SORCS2: variants seen among roughly 807,000 people sequenced by gnomAD.
SORCS2 encodes the protein sortilin related VPS10 domain containing receptor 2.
A neutral mutation model predicts 141.6 loss-of-function variants in SORCS2; 100 were observed. The observed-to-expected ratio is 0.71, with a 90% confidence interval of 0.60 to 0.83. The LOEUF is 0.83. Among genes scored for constraint, SORCS2 ranks in the 40% least tolerant of loss-of-function variants. The pLI is 0.00. For synonymous variants in SORCS2, 789 were observed against 676.9 expected, an observed-to-expected ratio of 1.17 and a Z score of -2.57; for missense variants, 1,646 against 1,560.2, an observed-to-expected ratio of 1.05 and a Z score of -0.93.
At chr4:7,620,940 A>G (rs1719125285) in intron 3 of SORCS2, among the ~76,000 whole-genome samples, 1 of 152,038 alleles carries the variant, frequency 6.6e-6, no homozygotes, top group Non-Finnish European at 1.5e-5. Flanking sequence ...GTGCCCCCCA[A>G]GTGCCCTTCT....
chr4:7,331,115 TG>T (rs1024569822), intron 1 of SORCS2, among the ~76,000 whole-genome samples: 3 of 144,368 alleles, frequency 2.1e-5, no homozygotes, highest in Non-Finnish European at 4.5e-5. Context: ...GGCGAGAGGC[TG>T]GGGGTGGGGA....
intron 2 of SORCS2, among the ~76,000 whole-genome samples, chr4:7,485,359 C>G (rs544752997): frequency 6.6e-6 from 1 of 152,214 alleles, no homozygotes; most frequent in Non-Finnish European, 1.5e-5. Flanking sequence ...CAGCCAAGGC[C>G]CCGGAGTTGC....
At chr4:7,649,817 G>A (rs954462382) in intron 4 of SORCS2, among the ~76,000 whole-genome samples, 3 of 152,152 alleles carry the variant, frequency 2.0e-5, no homozygotes, top group African/African-American at 7.2e-5. Context: ...CAGCAGTGGT[G>A]GCAGCGGTGT....
At chr4:7,426,913 C>T (rs917582848) in intron 2 of SORCS2, among the ~76,000 whole-genome samples, 8 of 152,278 alleles carry the variant, frequency 5.3e-5, no homozygotes, top group South Asian at 2.1e-4. Context: ...GGCCTGAACC[C>T]GGATAACAGT....
At chr4:7,691,892 C>A (rs1185790025) in intron 11 of SORCS2, among the ~76,000 whole-genome samples, 1 of 152,130 alleles carries the variant, frequency 6.6e-6, no homozygotes, top group Non-Finnish European at 1.5e-5. Context: ...CCCAACATCT[C>A]TCAGTGCACC....
At chr4:7,195,020 G>C (rs1353555732) in intron 1 of SORCS2, among the ~76,000 whole-genome samples, 1 of 152,120 alleles carries the variant, frequency 6.6e-6, no homozygotes, top group Non-Finnish European at 1.5e-5. Flanking sequence ...CTTCCTGGGA[G>C]AGAGTTGAGG....
intron 2 of SORCS2, among the ~76,000 whole-genome samples, chr4:7,519,482 T>G (rs539247442): frequency 1.3e-5 from 2 of 152,352 alleles, no homozygotes; most frequent in East Asian, 3.9e-4. Context: ...TCTCCCTGTC[T>G]GCACGGGAAC....
At chr4:7,615,868 C>T (rs933036149) in intron 3 of SORCS2, among the ~76,000 whole-genome samples, 2 of 152,228 alleles carry the variant, frequency 1.3e-5, no homozygotes, top group Admixed American at 1.3e-4. Context: ...TCTCATAGGG[C>T]TGCCAGCTTA....
chr4:7,673,291 C>T lies in SORCS2; in HGVS notation c.1162-2759C>T, dbSNP rs183289352. ...GATAACAAGAGCTTTCGAAATGTTG[C>T]GATGTGGCAATTTCCCTTCTTAGGA... On this transcript the variant is annotated intron_variant, in intron 8 of 26. Transcript: ENST00000507866. Among the ~76,000 whole-genome samples, 7 of 152,268 alleles carry T rather than the reference C, an allele frequency of 4.6e-5. No individual in the cohort carries two copies. In the East Asian group the frequency reaches 5.8e-4, roughly 13 times the overall value.
chr4:7,688,520 A>G (rs1032529946), intron 10 of SORCS2, among the ~76,000 whole-genome samples: 19 of 152,198 alleles, frequency 1.2e-4, no homozygotes, highest in African/African-American at 4.6e-4. Context: ...TGCCATAGTA[A>G]TCCAATATCC....
At chr4:7,316,237 T>TCCAC (rs1421001661) in intron 1 of SORCS2, among the ~76,000 whole-genome samples, 2 of 152,030 alleles carry the variant, frequency 1.3e-5, no homozygotes, top group Non-Finnish European at 2.9e-5. Flanking sequence ...CATCCATCCA[T>TCCAC]CCATCCATCC....
At chr4:7,353,343 G>T (rs558267371) in intron 1 of SORCS2, among the ~76,000 whole-genome samples, 4 of 152,326 alleles carry the variant, frequency 2.6e-5, no homozygotes, top group African/African-American at 7.2e-5. Flanking sequence ...TTCCAGCCTT[G>T]GTGCCAAGTG....
At chr4:7,642,592 T>C (rs1371450428) in intron 4 of SORCS2, among the ~76,000 whole-genome samples, 1 of 152,162 alleles carries the variant, frequency 6.6e-6, no homozygotes, top group Non-Finnish European at 1.5e-5. Context: ...GGTGGTGTGG[T>C]GGAACAACGT....
At chr4:7,297,952 C>T (rs1717190474) in intron 1 of SORCS2, among the ~76,000 whole-genome samples, 1 of 152,246 alleles carries the variant, frequency 6.6e-6, no homozygotes, top group African/African-American at 2.4e-5. Flanking sequence ...GGGCTGGTAT[C>T]CGCCTTGCAG....
chr4:7,370,782 G>C (rs2878612), intron 1 of SORCS2, among the ~76,000 whole-genome samples: 1 of 151,940 alleles, frequency 6.6e-6, no homozygotes, highest in African/African-American at 2.4e-5. Context: ...CCCTTTACTG[G>C]TCCTCTCTGG....
At position 7,554,730 on chromosome 4, in the gene SORCS2, G is replaced by A. The variant is rs765804114; in HGVS notation, c.648+23101G>A. Among the ~76,000 whole-genome samples, 6 of 152,268 alleles carry A rather than the reference G, an allele frequency of 3.9e-5. No individual in the cohort carries two copies. The South Asian group carries it at 6.2e-4, about 16-fold the overall frequency. The stretch of plus-strand genomic sequence containing the variant: ...AGGATTGAGATTTGTAGAGCACAGC[G>A]GGAGCCCCGAGGAAGAACATCCCAA... On this transcript the variant is annotated intron_variant, in intron 3 of 26. Coordinates refer to ENST00000507866, the MANE Select transcript of SORCS2 (RefSeq NM_020777.3).
At chr4:7,335,644 C>T (rs1711852737) in intron 1 of SORCS2, among the ~76,000 whole-genome samples, 1 of 152,252 alleles carries the variant, frequency 6.6e-6, no homozygotes, top group Non-Finnish European at 1.5e-5. Context: ...AGCTCCCATC[C>T]CTCCACGCAC....
chr4:7,699,855 C>T (rs1321024103), intron 12 of SORCS2, among the ~76,000 whole-genome samples: 3 of 152,144 alleles, frequency 2.0e-5, no homozygotes, highest in Non-Finnish European at 2.9e-5. Flanking sequence ...GGAGGGGAGC[C>T]CTTTGCTTGG....
intron 26 of SORCS2, among the ~76,000 whole-genome samples, chr4:7,737,665 G>A (rs1053330573): frequency 1.3e-5 from 2 of 152,176 alleles, no homozygotes; most frequent in African/African-American, 4.8e-5. Flanking sequence ...GATCCCCTTC[G>A]CTCCTGGTCA....
Sources: gnomAD v4.1 joint callset for allele counts (sites outside exome capture counted in the v4.1 genomes callset) on GRCh38, gnomAD v4.1.1 for gene constraint, MANE v1.5 for transcripts, NCBI Gene and HGNC (gene_info 2026-07-23, HGNC 2026-07-21) for gene names.